PCDHA6: variants seen among roughly 807,000 people sequenced by gnomAD.
The protein encoded by PCDHA6 is protocadherin alpha-6.
In PCDHA6, 55 loss-of-function variants were observed where a neutral mutation model predicts 60.3. That is an observed-to-expected ratio of 0.91 (90% confidence interval 0.73 to 1.14). PCDHA6 has a LOEUF of 1.14. Among genes scored for constraint, PCDHA6 ranks in the 50% most tolerant of loss-of-function variants. The probability of loss-of-function intolerance (pLI) is 0.00; values close to 1 mark genes in which losing one functional copy is unlikely to be tolerated. For synonymous variants in PCDHA6, 652 were observed against 557.9 expected (o/e 1.17, Z -2.38); for missense variants, 1,327 against 1,256.5 (o/e 1.06, Z -0.85).
At chr5:140,857,863 G>A in intron 1 of PCDHA6, 2 of 1,597,840 alleles carry the variant, frequency 1.3e-6, no homozygotes, top group Non-Finnish European at 8.6e-7. Flanking sequence ...ACAACGCGTG[G>A]CTGTCGTATG....
At chr5:141,003,432 C>T (rs1175854943) in intron 3 of PCDHA6, among the ~76,000 whole-genome samples, 1 of 152,124 alleles carries the variant, frequency 6.6e-6, no homozygotes, top group African/African-American at 2.4e-5. Context: ...ATGCCTCAGC[C>T]TCCCAAGTAG....
At chr5:140,941,194 T>TTTCTTC (rs2092780236) in intron 1 of PCDHA6, among the ~76,000 whole-genome samples, 5 of 112,438 alleles carry the variant, frequency 4.4e-5, no homozygotes, top group African/African-American at 1.8e-4. Flanking sequence ...TCTTTTTTTT[T>TTTCTTC]CTTTCTTCCT....
Position 140,852,497 on chromosome 5 carries a change from C to T in PCDHA6, c.2394+22012C>T, listed in dbSNP as rs1462166963. The T allele has an allele frequency of 3.2e-5, 8 of 251,770 alleles. 1 individual carries two copies. The South Asian group carries it at 6.1e-4, about 19-fold the overall frequency. 15.6% of individuals were successfully genotyped at this position (251,770 alleles called of 1,614,324 possible). ...TTCATCATGTTGGCCAGGTTGGTCT[C>T]GAACTCCTGACCTTGTGATGCTCCC... is the stretch of plus-strand genomic sequence containing the variant. On this transcript the variant is annotated intron_variant, in intron 1 of 3. Coordinates refer to ENST00000529310, the MANE Select transcript of PCDHA6 (RefSeq NM_018909.4).
chr5:140,948,763 C>T (rs1195337502), intron 1 of PCDHA6, among the ~76,000 whole-genome samples: 4 of 151,102 alleles, frequency 2.6e-5, no homozygotes, highest in Non-Finnish European at 4.4e-5. Flanking sequence ...TGATTTTTTT[C>T]GAATAGCCAG....
At position 140,877,459 on chromosome 5, in the gene PCDHA6, G is replaced by A. The variant is rs782125799; in HGVS notation, c.2394+46974G>A. ...CGGTGAGCCCGCGCTGACGTCCACGGCCACGGTGCTGGTGTCGCTGGTGGA... is the reference window on the plus strand; with the variant it reads ...CGGTGAGCCCGCGCTGACGTCCACGACCACGGTGCTGGTGTCGCTGGTGGA... On this transcript the variant is annotated intron_variant, in intron 1 of 3. Coordinates refer to ENST00000529310, the MANE Select transcript of PCDHA6 (RefSeq NM_018909.4). 98 of 1,613,712 alleles carry A rather than the reference G, an allele frequency of 6.1e-5. No individual in the cohort carries two copies. The East Asian group carries it at 2.1e-3, about 35-fold the overall frequency.
rs906170025 is a variant in PCDHA6 at position 140,935,893 on chromosome 5, T to C, written c.2395-43056T>C. Among the ~76,000 whole-genome samples, 23 of 129,968 alleles carry C rather than the reference T, an allele frequency of 1.8e-4. 1 individual carries two copies. In the Admixed American group the frequency reaches 1.8e-3, roughly 10 times the overall value. The allele number at this position is 129,968 out of a possible 152,430, so 85.3% of individuals were successfully genotyped here. A position where few individuals can be genotyped will look rare whatever the true frequency, so the allele number is the denominator to read the frequency against. ...AATGAGCTCCAATTTATCAATATTA[T>C]CTTTTTTTTTTTTTTTTGAGACAGA... On this transcript the variant is annotated intron_variant, in intron 1 of 3. Transcript: ENST00000529310.
intron 1 of PCDHA6, among the ~76,000 whole-genome samples, chr5:140,912,342 TA>T (rs1371454067): frequency 9.7e-5 from 12 of 123,478 alleles, no homozygotes; most frequent in African/African-American, 4.4e-4. Context: ...GTACACTAAG[TA>T]TTTTTTTTTT....
At chr5:140,995,924 G>T (rs998405229) in intron 3 of PCDHA6, among the ~76,000 whole-genome samples, 2 of 152,308 alleles carry the variant, frequency 1.3e-5, no homozygotes, top group African/African-American at 4.8e-5. Flanking sequence ...ATAGGCTGTT[G>T]TAAGTATTAA....
intron 1 of PCDHA6, among the ~76,000 whole-genome samples, chr5:140,894,198 T>A (rs1431922646): frequency 3.9e-5 from 6 of 152,168 alleles, no homozygotes; most frequent in African/African-American, 1.4e-4. Flanking sequence ...ATTTTTTCTA[T>A]GCTATTATAT....
At chr5:140,874,401 A>G (rs2054889687) in intron 1 of PCDHA6, among the ~76,000 whole-genome samples, 1 of 152,218 alleles carries the variant, frequency 6.6e-6, no homozygotes, top group African/African-American at 2.4e-5. Context: ...CTTGCATAAC[A>G]GTCACCATTC....
In PCDHA6 at chr5:141,011,905, G is replaced by C. The variant is rs1400272126; in HGVS notation, c.*1968G>C. 4 of 153,222 alleles carry C rather than the reference G, an allele frequency of 2.6e-5. No individual in the cohort carries two copies. Among genetic ancestry groups the C allele is most frequent in the African/African-American group, 9.7e-5 (4 of 41,224 alleles). The allele number at this position is 153,222 out of a possible 1,614,324, so 9.5% of individuals were successfully genotyped here. A position where few individuals can be genotyped will look rare whatever the true frequency, so the allele number is the denominator to read the frequency against. ...TTGATTAATTATATTATCTATTTAG[G>C]CATTAATATAAAAGAGGTAGGAGTC... On this transcript the variant is annotated 3_prime_UTR_variant, in exon 4 of 4. Coordinates refer to ENST00000529310, the MANE Select transcript of PCDHA6 (RefSeq NM_018909.4).
In PCDHA6 at chr5:140,830,053, C is replaced by G. The variant is rs782097929; in HGVS notation, c.1962C>G (p.His654Gln). 6.2e-7 allele frequency: 1 copy of G among 1,613,734 alleles called. No homozygotes were observed. The highest frequency in any genetic ancestry group is 1.7e-5 in the Admixed American group (1 of 60,006). Residue 654 changes from histidine to glutamine, a missense_variant, in exon 1 of 4, where the codon CAC (histidine) becomes CAG (glutamine). By Grantham distance (24) the His-to-Gln change is conservative. Transcript: ENST00000529310. ...RHRLLVLVKD[H>Q]GEPALTATAT... Reference sequence around the variant, plus strand: ...GGCTGCTGGTGCTGGTGAAAGACCACGGTGAGCCGGCGCTGACAGCGACGG... The same window carrying G: ...GGCTGCTGGTGCTGGTGAAAGACCAGGGTGAGCCGGCGCTGACAGCGACGG...
intron 1 of PCDHA6, chr5:140,842,473 G>A (rs2150336971): frequency 3.7e-6 from 6 of 1,613,820 alleles, no homozygotes; most frequent in Non-Finnish European, 3.4e-6. Flanking sequence ...CCAACGGGCA[G>A]GTGACCTGCT....
chr5:140,948,496 A>C (rs1258443825), intron 1 of PCDHA6, among the ~76,000 whole-genome samples: 1 of 151,522 alleles, frequency 6.6e-6, no homozygotes, highest in African/African-American at 2.4e-5. Context: ...TCTTTCATAG[A>C]CTTTCTATTA....
At chr5:140,884,138 G>C (rs782798249) in intron 1 of PCDHA6, 2 of 1,613,410 alleles carry the variant, frequency 1.2e-6, no homozygotes, top group Non-Finnish European at 1.7e-6. Context: ...CCCGTTCCGC[G>C]TGGGGCTGTA....
intron 1 of PCDHA6, chr5:140,861,856 A>G (rs1225378019): frequency 1.3e-5 from 2 of 156,674 alleles, no homozygotes; most frequent in Admixed American, 1.3e-4. Context: ...TGGTGCTCAA[A>G]GCAACTGATG....
chr5:140,879,783 G>A (rs182330190), intron 1 of PCDHA6, among the ~76,000 whole-genome samples: 1 of 152,162 alleles, frequency 6.6e-6, no homozygotes, highest in African/African-American at 2.4e-5. Flanking sequence ...GAAGAATCTG[G>A]TTTTTGTTTC....
chr5:140,942,540 G>C lies in PCDHA6; in HGVS notation c.2395-36409G>C, dbSNP rs1013086382. Among the ~76,000 whole-genome samples the C allele has an allele frequency of 8.5e-5, 13 of 152,164 alleles. No homozygotes were observed. In the South Asian group the frequency reaches 1.5e-3, roughly 17 times the overall value. ...GGGGAAGCAACTAACTCAGTATGGT[G>C]GGGGGTAGGGGGTTGAGGCAGAAAA... On this transcript the variant is annotated intron_variant, in intron 1 of 3. Transcript: ENST00000529310.
chr5:140,883,712 G>A lies in PCDHA6; in HGVS notation c.2394+53227G>A, dbSNP rs372048294. On this transcript the variant is annotated intron_variant, in intron 1 of 3. Transcript: ENST00000529310. ...CATCTTCACGGTGTCTGCTCAGGAC[G>A]CGGACGCACAGGAGAACGCGCTGGT... 1.6e-5 allele frequency: 26 copies of A among 1,613,658 alleles called. No homozygotes were observed. The highest frequency in any genetic ancestry group is 2.2e-5 in the East Asian group (1 of 44,880).
Sources: gnomAD v4.1 joint callset for allele counts (sites outside exome capture counted in the v4.1 genomes callset) on GRCh38, gnomAD v4.1.1 for gene constraint, MANE v1.5 for transcripts, NCBI Gene and HGNC (gene_info 2026-07-23, HGNC 2026-07-21) for gene names.